Variants in TMED8 observed in about 807,000 individuals in gnomAD.
The protein encoded by TMED8 is transmembrane p24 trafficking protein family member 8, also known as protein TMED8.
A neutral mutation model predicts 32.7 loss-of-function variants in TMED8; 15 were observed. That is an observed-to-expected ratio of 0.46 (90% CI 0.31 to 0.71). TMED8 has a LOEUF of 0.71. Among genes scored for constraint, TMED8 ranks in the 30% least tolerant of loss-of-function variants. TMED8 has a pLI of 0.06. For missense variants in TMED8, 390 were observed against 423.9 expected, an observed-to-expected ratio of 0.92 and a Z score of 0.70; for synonymous variants, 147 against 161.4, an observed-to-expected ratio of 0.91 and a Z score of 0.68.
chr14:77,374,326 T>G (rs571397434), intron 1 of TMED8, among the ~76,000 whole-genome samples: 1 of 152,246 alleles, frequency 6.6e-6, no homozygotes, highest in Non-Finnish European at 1.5e-5. Flanking sequence ...TCCACACTGC[T>G]TTGGAAGCCC....
At chr14:77,374,418 T>C (rs1195727824) in intron 1 of TMED8, among the ~76,000 whole-genome samples, 1 of 152,218 alleles carries the variant, frequency 6.6e-6, no homozygotes, top group Non-Finnish European at 1.5e-5. Flanking sequence ...GGGATTGCCC[T>C]GTGCCTTGCA....
rs1403451623 is a variant in TMED8, at chr14:77,341,985, G to C, written c.764C>G (p.Pro255Arg). The C allele has an allele frequency of 2.5e-6, 4 of 1,613,740 alleles. No homozygotes were observed. In the Admixed American group the frequency reaches 5.0e-5, roughly 20 times the overall value. ...TCTCTCCACATCTCCAGCTGGAACG[G>C]GTTCTGCGTGAGCAAAATGGCAAAG... ...EEEEEEEIEEPVPAGDVERGS... is the reference protein window; with the variant it reads ...EEEEEEEIEERVPAGDVERGS... Residue 255 changes from proline to arginine, a missense_variant, in exon 6 of 6, where the codon CCC (proline) becomes CGC (arginine). Physicochemically the swap from Pro to Arg is moderately radical, Grantham distance 103 (BLOSUM62 -2). Transcript: ENST00000216468.
Position 77,340,872 on chromosome 14 carries a change from A to T in TMED8, c.*899T>A, listed in dbSNP as rs1892879649. On this transcript the variant is annotated 3_prime_UTR_variant, in exon 6 of 6. Coordinates refer to ENST00000216468, the MANE Select transcript of TMED8 (RefSeq NM_213601.3). ...CAAAAAAAAGCGGTGGGGACTCTGG[A>T]GTGTTTTTTGTTTTTCATCTTCTCT... 6.7e-6 allele frequency: 1 copy of T among 150,168 alleles called. No homozygotes were observed. The highest frequency in any genetic ancestry group is 1.5e-5 in the Non-Finnish European group (1 of 67,636). The allele number at this position is 150,168 out of a possible 1,614,324, so 9.3% of individuals were successfully genotyped here.
chr14:77,371,053 T>G (rs1310087808), intron 1 of TMED8, among the ~76,000 whole-genome samples: 3 of 152,232 alleles, frequency 2.0e-5, no homozygotes, highest in Non-Finnish European at 2.9e-5. Context: ...ATGAAAAGCT[T>G]CTTCATTCTT....
At position 77,336,120 on chromosome 14, in the gene TMED8, G is replaced by A. The variant is rs1036383111; in HGVS notation, c.*5651C>T. On this transcript the variant is annotated 3_prime_UTR_variant, in exon 6 of 6. Coordinates refer to ENST00000216468, the MANE Select transcript of TMED8 (RefSeq NM_213601.3). ...AATATTTCAAACCAAAACTTCAGAAGGGTTCATGATCCTATTTCAGGACTT... is the reference window on the plus strand; with the variant it reads ...AATATTTCAAACCAAAACTTCAGAAAGGTTCATGATCCTATTTCAGGACTT... 7 of 152,074 alleles carry A rather than the reference G, an allele frequency of 4.6e-5. No individual in the cohort carries two copies. Among genetic ancestry groups the A allele is most frequent in the Admixed American group, 1.3e-4 (2 of 15,264 alleles). 9.4% of individuals were successfully genotyped at this position (152,074 alleles called of 1,614,324 possible).
chr14:77,344,502 A>AT (rs1234661375), intron 3 of TMED8, among the ~76,000 whole-genome samples: 1 of 152,246 alleles, frequency 6.6e-6, no homozygotes, highest in African/African-American at 2.4e-5. Flanking sequence ...ACATGGAAGA[A>AT]TGCAAATGGC....
intron 1 of TMED8, among the ~76,000 whole-genome samples, chr14:77,353,253 CAAGACACTG>C (rs963458203): frequency 2.0e-5 from 3 of 152,140 alleles, no homozygotes; most frequent in Non-Finnish European, 2.9e-5. Flanking sequence ...TGTAAGACAA[CAAGACACTG>C]AAGACTGAAG....
chr14:77,343,462 G>A lies in TMED8; in HGVS notation c.476C>T (p.Pro159Leu). Residue 159 changes from proline to leucine, a missense_variant, in exon 5 of 6, where the codon CCT (proline) becomes CTT (leucine). Transcript: ENST00000216468. Reference sequence around the variant, plus strand: ...CTTGGCAAAGGTCCAGATGCATGGAGGAGCCATCAGAGGTGGGGAGACTGA... The same window carrying A: ...CTTGGCAAAGGTCCAGATGCATGGAAGAGCCATCAGAGGTGGGGAGACTGA... The part of the protein sequence containing the change: ...HRKVSPPLMA[P>L]PCIWTFAKVK... 6.2e-7 allele frequency: 1 copy of A among 1,613,574 alleles called. No homozygotes were observed. The highest frequency in any genetic ancestry group is 8.5e-7 in the Non-Finnish European group (1 of 1,179,772).
chr14:77,343,613 C>T, intron 4 of TMED8, 84 bp downstream of exon 4: 1 of 1,588,742 alleles, frequency 6.3e-7, no homozygotes, highest in South Asian at 1.1e-5. Context: ...AAGTCATTTT[C>T]TTTCCTTCCA....
rs985110176 is a variant in TMED8, at chr14:77,376,711, G to C, written c.118+225C>G. The C allele has an allele frequency of 3.0e-6, 1 of 329,486 alleles. No individual in the cohort carries two copies. The highest frequency in any genetic ancestry group is 2.2e-5 in the African/African-American group (1 of 46,344). 20.4% of individuals were successfully genotyped at this position (329,486 alleles called of 1,614,324 possible). On this transcript the variant is annotated intron_variant, in intron 1 of 5. Coordinates refer to ENST00000216468, the MANE Select transcript of TMED8 (RefSeq NM_213601.3). This position sits in a 1 kb window ranked among gnomAD's most constrained non-coding sequence, Gnocchi z 4.0. Reference sequence around the variant, plus strand: ...TTGGGCAGATCTCAGAAAGGAAGCGGGGCAGGAATCAAGGCATTTCGAAAC... The same window carrying C: ...TTGGGCAGATCTCAGAAAGGAAGCGCGGCAGGAATCAAGGCATTTCGAAAC...
At chr14:77,372,691 T>G (rs2139639908) in intron 1 of TMED8, among the ~76,000 whole-genome samples, 1 of 151,774 alleles carries the variant, frequency 6.6e-6, no homozygotes, top group South Asian at 2.1e-4. Context: ...ATCAACTATC[T>G]GACTAATCGA....
intron 1 of TMED8, among the ~76,000 whole-genome samples, chr14:77,370,935 C>A (rs958525360): frequency 6.6e-6 from 1 of 151,020 alleles, no homozygotes; most frequent in South Asian, 2.1e-4. Flanking sequence ...GGCAACAGTG[C>A]GAGACTCTGT....
rs1892817064 is a variant in TMED8 at position 77,338,461 on chromosome 14, CTTCATCTT to C, written c.*3302_*3309del. On this transcript the variant is annotated 3_prime_UTR_variant, in exon 6 of 6. Transcript: ENST00000216468. ...CCTCCCTTACTTTAACTTAAGCTGA[CTTCATCTT>C]TTCAGGTAAAGTTTAACTCTCTCAA... 1 of 152,226 alleles carries C rather than the reference CTTCATCTT, an allele frequency of 6.6e-6. No individual in the cohort carries two copies. The highest frequency in any genetic ancestry group is 2.4e-5 in the African/African-American group (1 of 41,466). The allele number at this position is 152,226 out of a possible 1,614,324, so 9.4% of individuals were successfully genotyped here.
intron 1 of TMED8, among the ~76,000 whole-genome samples, chr14:77,363,836 T>C (rs1893491832): frequency 6.6e-6 from 1 of 152,186 alleles, no homozygotes; most frequent in Non-Finnish European, 1.5e-5. Flanking sequence ...CTTTTTAAAC[T>C]GGCATACTTG....
At position 77,343,464 on chromosome 14, in the gene TMED8, A is replaced by G. The variant is rs147406918; in HGVS notation, c.474T>C (p.Ala158=). ...DHRKVSPPLM[A]PPCIWTFAKV... The stretch of plus-strand genomic sequence containing the variant: ...TGGCAAAGGTCCAGATGCATGGAGG[A>G]GCCATCAGAGGTGGGGAGACTGAAA... The change falls in exon 5 of 6, where the codon GCT becomes GCC. Residue 158 remains alanine (A), a synonymous_variant. Coordinates refer to ENST00000216468, the MANE Select transcript of TMED8 (RefSeq NM_213601.3). 1.4e-4 allele frequency: 232 copies of G among 1,613,586 alleles called. No homozygotes were observed. In the African/African-American group the frequency reaches 2.7e-3, roughly 19 times the overall value.
chr14:77,366,741 A>G (rs1054281188), intron 1 of TMED8, among the ~76,000 whole-genome samples: 3 of 152,198 alleles, frequency 2.0e-5, no homozygotes, highest in Non-Finnish European at 4.4e-5. Flanking sequence ...AGGCATCACC[A>G]TATTGAATAG....
chr14:77,355,902 T>C (rs1893280527), intron 1 of TMED8, among the ~76,000 whole-genome samples: 1 of 152,210 alleles, frequency 6.6e-6, no homozygotes, highest in South Asian at 2.1e-4. Context: ...GTGGAGAACT[T>C]TGTCAGTTTA....
chr14:77,362,776 G>A (rs1391241023), intron 1 of TMED8, among the ~76,000 whole-genome samples: 1 of 152,152 alleles, frequency 6.6e-6, no homozygotes, highest in Non-Finnish European at 1.5e-5. Context: ...GCTGAAAGTG[G>A]AAGAATTGAA....
intron 3 of TMED8, among the ~76,000 whole-genome samples, chr14:77,345,223 G>A (rs1892996694): frequency 6.6e-6 from 1 of 152,166 alleles, no homozygotes; most frequent in Non-Finnish European, 1.5e-5. Flanking sequence ...CTGACCTCAA[G>A]TGATCTGCCT....
Sources: gnomAD v4.1 joint callset for allele counts (sites outside exome capture counted in the v4.1 genomes callset) on GRCh38, gnomAD v4.1.1 for gene constraint, Gnocchi (gnomAD v3.1) non-coding constraint, MANE v1.5 for transcripts, NCBI Gene and HGNC (gene_info 2026-07-23, HGNC 2026-07-21) for gene names.